Variants in COBLL1 observed in about 807,000 individuals in gnomAD.
COBLL1 encodes the protein cordon-bleu protein-like 1.
Under a neutral mutation model 94.8 loss-of-function variants are expected in COBLL1, and 50 were observed. The observed-to-expected ratio is 0.53, with a 90% CI of 0.42 to 0.67. The LOEUF is 0.67. Among genes scored for constraint, COBLL1 ranks in the 30% least tolerant of loss-of-function variants. The pLI is 0.00. For missense variants in COBLL1, 1,362 were observed against 1,348.7 expected, an observed-to-expected ratio of 1.01 and a Z score of -0.15; for synonymous variants, 448 against 473.8, an observed-to-expected ratio of 0.95 and a Z score of 0.71.
chr2:164,835,655 G>A (rs961171543), intron 2 of COBLL1, among the ~76,000 whole-genome samples: 1 of 152,148 alleles, frequency 6.6e-6, no homozygotes, highest in Admixed American at 6.5e-5. Context: ...TTTATGCTAT[G>A]CATATTTTAC....
intron 12 of COBLL1, chr2:164,692,725 TTA>T (rs1186751800): frequency 3.0e-5 from 5 of 169,070 alleles, no homozygotes; most frequent in Non-Finnish European, 6.3e-5. Flanking sequence ...AAAAGCCAAA[TTA>T]AGATTTTAAA....
At chr2:164,769,461 A>C (rs572464039) in intron 2 of COBLL1, among the ~76,000 whole-genome samples, 1 of 152,290 alleles carries the variant, frequency 6.6e-6, no homozygotes, top group East Asian at 1.9e-4. Flanking sequence ...TACCAAATAC[A>C]TCATTTTATA....
At chr2:164,730,163 C>G (rs1574484699) in intron 3 of COBLL1, 48 bp from the exon 4 acceptor site, 1 of 1,478,270 alleles carries the variant, frequency 6.8e-7, no homozygotes, top group East Asian at 2.3e-5. Context: ...TGAGGATTTT[C>G]TTAGAATGCT....
intron 9 of COBLL1, among the ~76,000 whole-genome samples, chr2:164,701,623 T>A (rs1558934109): frequency 6.6e-6 from 1 of 152,154 alleles, no homozygotes; most frequent in Non-Finnish European, 1.5e-5. Flanking sequence ...TTAATATATA[T>A]GTTTACACAT....
intron 1 of COBLL1, among the ~76,000 whole-genome samples, chr2:164,672,653 T>G (rs1277680032): frequency 2.2e-5 from 3 of 138,562 alleles, no homozygotes; most frequent in Admixed American, 7.8e-5. Flanking sequence ...GAGCCGAGAT[T>G]GCGCCACTGC....
chr2:164,686,193 A>G (rs1445173202), intron 13 of COBLL1, among the ~76,000 whole-genome samples, 161 bp from the exon 14 acceptor site: 1 of 152,240 alleles, frequency 6.6e-6, no homozygotes, highest in Non-Finnish European at 1.5e-5. Flanking sequence ...TCATTCTACC[A>G]TAAAATTTAA....
intron 7 of COBLL1, among the ~76,000 whole-genome samples, chr2:164,715,574 C>T (rs1284647447): frequency 6.6e-6 from 1 of 151,912 alleles, no homozygotes; most frequent in Admixed American, 6.6e-5. Flanking sequence ...CTGTACATTT[C>T]ATAAGTATAT....
chr2:164,814,049 T>C (rs1188510098), intron 2 of COBLL1, among the ~76,000 whole-genome samples: 1 of 152,154 alleles, frequency 6.6e-6, no homozygotes, highest in Admixed American at 6.6e-5. Flanking sequence ...AATGCTACTT[T>C]TATAAAGTTT....
chr2:164,722,222 G>A lies in COBLL1; in HGVS notation c.849C>T (p.Asn283=), dbSNP rs763390664. ...SNTISKPYIS[N]TLPSDAPKKR... is the part of the protein sequence containing the mutation. ...TCTTGGGTGCATCCGACGGCAGGGT[G>A]TTGGAAATATATGGTTTGGAAATGG... is the stretch of plus-strand genomic sequence containing the variant. The change falls in exon 7 of 14, where the codon AAC becomes AAT. Residue 283 remains asparagine, a synonymous_variant. Coordinates refer to ENST00000652658, the MANE Select transcript of COBLL1 (RefSeq NM_001365672.2). 5.0e-6 allele frequency: 8 copies of A among 1,614,074 alleles called. No homozygotes were observed. The highest frequency in any genetic ancestry group is 6.8e-6 in the Non-Finnish European group (8 of 1,179,988).
intron 2 of COBLL1, among the ~76,000 whole-genome samples, chr2:164,818,307 CAT>C (rs1491321164): frequency 2.0e-5 from 3 of 148,444 alleles, no homozygotes; most frequent in Non-Finnish European, 3.0e-5. Context: ...CATATGTATA[CAT>C]ATACACGTGT....
intron 2 of COBLL1, among the ~76,000 whole-genome samples, chr2:164,818,394 A>G (rs372127889): frequency 6.7e-6 from 1 of 150,252 alleles, no homozygotes; most frequent in East Asian, 1.9e-4. Flanking sequence ...ATGTACATAT[A>G]CATGTGTACA....
At chr2:164,788,839 CA>C (rs34224594) in intron 2 of COBLL1, among the ~76,000 whole-genome samples, 133 of 140,268 alleles carry the variant, frequency 9.5e-4, no homozygotes, top group East Asian at 1.7e-3. Context: ...TATGTTTAAC[CA>C]AAAAAAAAAA....
At chr2:164,810,049 T>A (rs1276816859) in intron 2 of COBLL1, among the ~76,000 whole-genome samples, 2 of 151,706 alleles carry the variant, frequency 1.3e-5, no homozygotes, top group African/African-American at 2.4e-5. Flanking sequence ...TATAATGGCA[T>A]ATGTATGAGG....
chr2:164,731,235 G>T (rs562035969), intron 3 of COBLL1, among the ~76,000 whole-genome samples: 1 of 152,250 alleles, frequency 6.6e-6, no homozygotes, highest in African/African-American at 2.4e-5. Flanking sequence ...GATAGAAAAC[G>T]CTTATCAGCT....
intron 9 of COBLL1, among the ~76,000 whole-genome samples, chr2:164,701,872 T>A (rs1343689845): frequency 1.5e-5 from 1 of 66,016 alleles, no homozygotes; most frequent in African/African-American, 6.5e-5. Context: ...TTTAATTTTA[T>A]CCCAAGGCTG....
rs1250349487 is a variant in COBLL1 at position 164,826,704 on chromosome 2, G to A, written c.41+14452C>T. On this transcript the variant is annotated intron_variant, in intron 2 of 13. Transcript: ENST00000652658. ...AAGTGCTGCTATCTGACTTCCTGCT[G>A]GACCAGTTTTATTTGAAACCAAAAC... Among the ~76,000 whole-genome samples the A allele has an allele frequency of 2.0e-5, 3 of 152,148 alleles. No homozygotes were observed. In the East Asian group the frequency reaches 5.8e-4, roughly 29 times the overall value.
intron 2 of COBLL1, among the ~76,000 whole-genome samples, chr2:164,776,626 C>T (rs1688477438): frequency 1.3e-5 from 2 of 151,884 alleles, no homozygotes. Context: ...AACCTGGTTC[C>T]CCCTCAGAAT....
At chr2:164,748,104 AT>A (rs1163363888) in intron 2 of COBLL1, among the ~76,000 whole-genome samples, 1 of 152,124 alleles carries the variant, frequency 6.6e-6, no homozygotes, top group Non-Finnish European at 1.5e-5. Context: ...GAAAAGTAGA[AT>A]TTTGATAAGC....
chr2:164,829,701 G>A (rs1361031166), intron 2 of COBLL1, among the ~76,000 whole-genome samples: 4 of 151,972 alleles, frequency 2.6e-5, no homozygotes, highest in African/African-American at 9.7e-5. Flanking sequence ...TGAACAGGGG[G>A]TATTACCCCA....
Sources: gnomAD v4.1 joint callset for allele counts (sites outside exome capture counted in the v4.1 genomes callset) on GRCh38, gnomAD v4.1.1 for gene constraint, MANE v1.5 for transcripts, NCBI Gene and HGNC (gene_info 2026-07-23, HGNC 2026-07-21) for gene names.